Variants in CLASP1 observed in about 807,000 individuals in gnomAD.
CLASP1 encodes the protein cytoplasmic linker associated protein 1, also known as CLIP-associating protein 1.
CLASP1 carries 38 observed loss-of-function variants against 192.3 expected under a neutral mutation model. The observed-to-expected ratio is 0.20, with a 90% confidence interval of 0.15 to 0.26. The LOEUF (loss-of-function observed/expected upper bound fraction) is 0.26. CLASP1 is among the 10% of genes least tolerant of loss of function. The pLI, the probability that CLASP1 is intolerant of heterozygous loss-of-function variation, is 1.00. For missense variants in CLASP1, 1,433 were observed against 1,932.5 expected, an observed-to-expected ratio of 0.74 and a Z score of 4.85; for synonymous variants, 691 against 712.8, an observed-to-expected ratio of 0.97 and a Z score of 0.49.
chr2:121,527,807 T>C, exon 5 of CLASP1: 2 of 1,612,822 alleles, frequency 1.2e-6, no homozygotes, highest in Non-Finnish European at 1.7e-6. Flanking sequence ...ACGCATTGAG[T>C]GTTGCTATAA....
chr2:121,447,346 C>G, exon 19 of CLASP1: 2 of 1,590,982 alleles, frequency 1.3e-6, no homozygotes, highest in Non-Finnish European at 1.7e-6. Flanking sequence ...CCTAAGGATG[C>G]GTATGACCCT....
intron 37 of CLASP1, among the ~76,000 whole-genome samples, chr2:121,353,057 T>C (rs925768996): frequency 2.0e-5 from 3 of 152,164 alleles, no homozygotes; most frequent in Admixed American, 6.5e-5. Flanking sequence ...AAGCCATACA[T>C]GGAGGCTCAC....
intron 2 of CLASP1, among the ~76,000 whole-genome samples, chr2:121,567,563 T>C (rs1013751181): frequency 2.0e-5 from 3 of 152,242 alleles, no homozygotes; most frequent in Admixed American, 1.3e-4. Context: ...CTCTTGTAAC[T>C]GGTTGGCTGT....
At position 121,347,156 on chromosome 2, in the gene CLASP1, TAG is replaced by T; in HGVS notation, c.4414-4_4414-3del. The T allele has an allele frequency of 6.4e-7, 1 of 1,558,794 alleles. No homozygotes were observed. Among genetic ancestry groups the T allele is most frequent in the South Asian group, 1.2e-5 (1 of 84,838 alleles). Reference sequence around the variant, plus strand: ...ACTACTTTCGGTGTTGTCATAACCCTAGAGAGCCAGAAGGGAACACGAAAAGG... The same window carrying T: ...ACTACTTTCGGTGTTGTCATAACCCTAGAGCCAGAAGGGAACACGAAAAGG... On this transcript the variant is annotated splice_region_variant and splice_polypyrimidine_tract_variant and intron_variant, in intron 38 of 39. Transcript: ENST00000263710.
At chr2:121,377,880 G>A (rs2070631327) in intron 33 of CLASP1, among the ~76,000 whole-genome samples, 1 of 152,156 alleles carries the variant, frequency 6.6e-6, no homozygotes, top group African/African-American at 2.4e-5. Context: ...ATAAAAACCA[G>A]TGGGAAACAA....
intron 1 of CLASP1, among the ~76,000 whole-genome samples, chr2:121,642,420 A>G (rs989803066): frequency 6.7e-6 from 1 of 150,270 alleles, no homozygotes; most frequent in Non-Finnish European, 1.5e-5. Flanking sequence ...AAAAAAAAAG[A>G]AAAAAGAAAA....
intron 19 of CLASP1, among the ~76,000 whole-genome samples, chr2:121,441,706 T>C (rs1257021654): frequency 6.6e-6 from 1 of 152,010 alleles, no homozygotes; most frequent in Non-Finnish European, 1.5e-5. Flanking sequence ...ATAGCACCAC[T>C]GCACTCCAGA....
At chr2:121,415,761 G>A (rs2078470183) in intron 23 of CLASP1, among the ~76,000 whole-genome samples, 1 of 152,092 alleles carries the variant, frequency 6.6e-6, no homozygotes, top group Non-Finnish European at 1.5e-5. Flanking sequence ...TACTACTAGA[G>A]TATTCTGTAC....
intron 2 of CLASP1, among the ~76,000 whole-genome samples, chr2:121,593,671 A>T (rs1395445858): frequency 1.3e-5 from 2 of 150,708 alleles, no homozygotes; most frequent in African/African-American, 4.9e-5. Context: ...ATGAGACCTA[A>T]ATGTAGTGTG....
At chr2:121,341,016 A>G in intron 39 of CLASP1, 69 bp from the exon 41 acceptor site, 1 of 1,019,928 alleles carries the variant, frequency 9.8e-7, no homozygotes, top group Non-Finnish European at 1.5e-6. Context: ...CAGCAAAAAG[A>G]ATCCCAGGTG....
intron 1 of CLASP1, among the ~76,000 whole-genome samples, chr2:121,623,107 T>G (rs1474725819): frequency 6.6e-6 from 1 of 152,140 alleles, no homozygotes; most frequent in Non-Finnish European, 1.5e-5. Context: ...AAAGACTATA[T>G]GTCTTGTTCC....
At chr2:121,545,811 T>A (rs1378743579) in intron 2 of CLASP1, among the ~76,000 whole-genome samples, 1 of 152,034 alleles carries the variant, frequency 6.6e-6, no homozygotes, top group Admixed American at 6.6e-5. Context: ...TGTTACCCAA[T>A]TGATCAAAAG....
At chr2:121,559,076 T>C (rs2058839285) in intron 2 of CLASP1, among the ~76,000 whole-genome samples, 1 of 152,170 alleles carries the variant, frequency 6.6e-6, no homozygotes, top group South Asian at 2.1e-4. Context: ...GGCACTGTGA[T>C]GGAGGGAAAG....
chr2:121,355,147 C>T (rs1225071710), intron 37 of CLASP1, among the ~76,000 whole-genome samples: 1 of 152,088 alleles, frequency 6.6e-6, no homozygotes, highest in African/African-American at 2.4e-5. Context: ...TGAAATGTAT[C>T]TATTATTTTA....
chr2:121,349,956 C>T (rs929400307), intron 37 of CLASP1, among the ~76,000 whole-genome samples: 37 of 152,264 alleles, frequency 2.4e-4, no homozygotes, highest in Admixed American at 9.8e-4. Flanking sequence ...AAAACAGGGA[C>T]GTCACAGAGA....
At chr2:121,492,450 A>T (rs2093358608) in intron 8 of CLASP1, among the ~76,000 whole-genome samples, 1 of 151,534 alleles carries the variant, frequency 6.6e-6, no homozygotes, top group Non-Finnish European at 1.5e-5. Flanking sequence ...AAAAAAATTT[A>T]CAAATCGTAT....
chr2:121,445,610 A>G, intron 19 of CLASP1: 2 of 488,910 alleles, frequency 4.1e-6, no homozygotes, highest in Non-Finnish European at 7.0e-6. Context: ...CTATATTTCA[A>G]TTTTTTGGTG....
intron 13 of CLASP1, 69 bp downstream of exon 13, chr2:121,458,771 C>G (rs1237290461): frequency 8.4e-7 from 1 of 1,192,846 alleles, no homozygotes; most frequent in Non-Finnish European, 1.1e-6. Flanking sequence ...AACAAAAATG[C>G]CTCTAATATT....
At chr2:121,354,283 A>G (rs543169015) in intron 37 of CLASP1, among the ~76,000 whole-genome samples, 9 of 152,236 alleles carry the variant, frequency 5.9e-5, no homozygotes, top group Non-Finnish European at 1.0e-4. Context: ...TGGAAAAGCA[A>G]CAGACTAGTT....
Sources: allele counts gnomAD v4.1 joint callset (sites outside exome capture counted in the v4.1 genomes callset), GRCh38; gene constraint gnomAD v4.1.1; transcripts MANE v1.5; gene names NCBI Gene and HGNC (gene_info 2026-07-23, HGNC 2026-07-21).